The following KIRREL1 variants were observed in gnomAD, a reference collection of about 807,000 sequenced individuals.
KIRREL1 encodes the protein kin of IRRE-like protein 1.
A neutral mutation model predicts 83.3 loss-of-function variants in KIRREL1; 25 were observed. The ratio of observed to expected loss-of-function variants is 0.30; its 90% CI spans 0.22 to 0.42. The LOEUF (loss-of-function observed/expected upper bound fraction) is 0.42. Ranked by LOEUF, KIRREL1 falls within the 10% of genes least tolerant of loss-of-function variation. KIRREL1 has a pLI of 1.00. For synonymous variants in KIRREL1, 388 were observed against 410.4 expected (o/e 0.95, Z 0.66); for missense variants, 812 against 1,032.3 (o/e 0.79, Z 2.92).
chr1:158,017,166 G>A (rs1044825394), intron 1 of KIRREL1, among the ~76,000 whole-genome samples: 4 of 152,096 alleles, frequency 2.6e-5, no homozygotes, highest in African/African-American at 4.8e-5. Flanking sequence ...TTGCACGCAC[G>A]GCCCAGGAAA....
In KIRREL1 at chr1:158,017,648, C is replaced by T. The variant is rs985786759; in HGVS notation, c.52+23920C>T. On this transcript the variant is annotated intron_variant, in intron 1 of 14. Coordinates refer to ENST00000359209, the MANE Select transcript of KIRREL1 (RefSeq NM_018240.7). ...AGGAGGTTGCAGTGAGCCGAGATTG[C>T]GCTACTGCACTCCAGACTGGGTGAC... Among the ~76,000 whole-genome samples the T allele has an allele frequency of 5.3e-5, 8 of 151,854 alleles. No individual in the cohort carries two copies. The East Asian group carries it at 5.8e-4, about 11-fold the overall frequency.
At chr1:158,007,686 C>T (rs1013450121) in intron 1 of KIRREL1, among the ~76,000 whole-genome samples, 1 of 151,870 alleles carries the variant, frequency 6.6e-6, no homozygotes, top group Non-Finnish European at 1.5e-5. Flanking sequence ...CAGCTTGGAG[C>T]CTGCTTGTGG....
At position 158,096,729 on chromosome 1, in the gene KIRREL1, C is replaced by T. The variant is rs942039483; in HGVS notation, c.*1609C>T. 1 of 456,560 alleles carries T rather than the reference C, an allele frequency of 2.2e-6. No individual in the cohort carries two copies. The highest frequency in any genetic ancestry group is 4.4e-6 in the Non-Finnish European group (1 of 226,976). 28.3% of individuals were successfully genotyped at this position (456,560 alleles called of 1,614,324 possible). A position where few individuals can be genotyped will look rare whatever the true frequency, so the allele number is the denominator to read the frequency against. ...TTTCTGACCAAAGAGAACAGGCGCT[C>T]CAAGGAGAACCTGTACCCCTGCCCC... On this transcript the variant is annotated 3_prime_UTR_variant, in exon 15 of 15. Transcript: ENST00000359209.
chr1:157,999,807 G>C (rs1020471394), intron 1 of KIRREL1, among the ~76,000 whole-genome samples: 2 of 152,168 alleles, frequency 1.3e-5, no homozygotes, highest in Admixed American at 1.3e-4. Context: ...CCAGGGAGGA[G>C]GAAGAGGCAA....
Position 158,095,025 on chromosome 1 carries a change from A to C in KIRREL1, c.2179A>C (p.Ile727Leu). The change falls in exon 15 of 15, where the codon ATT (isoleucine) becomes CTT (leucine). Residue 727 changes from isoleucine to leucine, a missense_variant. Physicochemically the swap from Ile to Leu is conservative, Grantham distance 5. This residue lies in a region of KIRREL1 where 334 missense variants were observed against 383.7 expected (regional missense o/e 0.87). Coordinates refer to ENST00000359209, the MANE Select transcript of KIRREL1 (RefSeq NM_018240.7). Reference protein sequence around the residue: ...ERTPYEAYDPIGKYATATRFS... With the variant: ...ERTPYEAYDPLGKYATATRFS... ...GACCCCATATGAGGCGTATGACCCC[A>C]TTGGCAAGTACGCCACAGCCACTCG... 1 of 1,613,904 alleles carries C rather than the reference A, an allele frequency of 6.2e-7. No individual in the cohort carries two copies. The highest frequency in any genetic ancestry group is 1.3e-5 in the African/African-American group (1 of 75,016).
At chr1:158,023,672 G>A (rs1184116868) in intron 1 of KIRREL1, among the ~76,000 whole-genome samples, 7 of 152,098 alleles carry the variant, frequency 4.6e-5, no homozygotes, top group African/African-American at 7.2e-5. Context: ...TGGGTGCACC[G>A]GGAAAATCAT....
chr1:158,090,395 C>A (rs1347839596), intron 10 of KIRREL1, among the ~76,000 whole-genome samples: 1 of 152,172 alleles, frequency 6.6e-6, no homozygotes, highest in East Asian at 1.9e-4. Context: ...CTCCCCCACA[C>A]CATGAGCCAT....
rs374529966 is a variant in KIRREL1 at position 158,052,025 on chromosome 1, C to G, written c.53-24088C>G. Reference sequence around the variant, plus strand: ...TCTCCAGGAGCAGTACAGCAGCTCCCTGCTGTACCTACCCTCCCTCTAACT... The same window carrying G: ...TCTCCAGGAGCAGTACAGCAGCTCCGTGCTGTACCTACCCTCCCTCTAACT... On this transcript the variant is annotated intron_variant, in intron 1 of 14. Transcript: ENST00000359209. Among the ~76,000 whole-genome samples, 498 of 152,290 alleles carry G rather than the reference C, an allele frequency of 3.3e-3. 9 individuals carry two copies. The South Asian group carries it at 0.046, about 14-fold the overall frequency.
At chr1:158,080,140 C>T (rs573038969) in intron 3 of KIRREL1, among the ~76,000 whole-genome samples, 1 of 152,102 alleles carries the variant, frequency 6.6e-6, no homozygotes, top group African/African-American at 2.4e-5. Context: ...TCCGAGGAAC[C>T]GTGAGACTCT....
At chr1:158,010,391 A>G (rs1571532966) in intron 1 of KIRREL1, among the ~76,000 whole-genome samples, 1 of 111,780 alleles carries the variant, frequency 8.9e-6, no homozygotes, top group Admixed American at 8.8e-5. Flanking sequence ...TGTCACACAC[A>G]TGCATACACA....
intron 1 of KIRREL1, among the ~76,000 whole-genome samples, chr1:157,995,670 G>A (rs1659175105): frequency 6.6e-6 from 1 of 152,164 alleles, no homozygotes; most frequent in Admixed American, 6.5e-5. Flanking sequence ...ATTGAATTGG[G>A]GACAGAAAGA....
intron 1 of KIRREL1, among the ~76,000 whole-genome samples, chr1:157,996,094 G>A (rs990590161): frequency 6.7e-6 from 1 of 148,684 alleles, no homozygotes; most frequent in African/African-American, 2.5e-5. Flanking sequence ...AGGGATGGGG[G>A]AGTAGGTGTC....
chr1:158,035,265 G>A (rs1046553076), intron 1 of KIRREL1, among the ~76,000 whole-genome samples: 1 of 152,174 alleles, frequency 6.6e-6, no homozygotes. Flanking sequence ...TGGGACTAGG[G>A]CCCCAGGCAG....
chr1:158,076,081 C>T (rs1437700660), intron 1 of KIRREL1, 32 bp from the exon 2 acceptor site: 38 of 1,604,682 alleles, frequency 2.4e-5, no homozygotes, highest in Middle Eastern at 1.7e-4. Flanking sequence ...TCTCCTTACT[C>T]ATCTTACCCA....
chr1:158,023,195 G>T (rs1660053432), intron 1 of KIRREL1, among the ~76,000 whole-genome samples: 1 of 152,240 alleles, frequency 6.6e-6, no homozygotes, highest in African/African-American at 2.4e-5. Flanking sequence ...GAGTGGTGGG[G>T]AGTGGCAGGA....
chr1:158,067,776 C>T (rs1042676011), intron 1 of KIRREL1, among the ~76,000 whole-genome samples: 1 of 152,200 alleles, frequency 6.6e-6, no homozygotes, highest in African/African-American at 2.4e-5. Context: ...TCTGTTCCTG[C>T]CTCTTGAGGT....
chr1:158,021,587 A>C (rs1660004165), intron 1 of KIRREL1, among the ~76,000 whole-genome samples: 1 of 152,156 alleles, frequency 6.6e-6, no homozygotes, highest in South Asian at 2.1e-4. Flanking sequence ...GTAAGTCTGT[A>C]ATTGAGGTTA....
At chr1:158,083,208 A>G (rs777921821) in intron 3 of KIRREL1, among the ~76,000 whole-genome samples, 1 of 152,252 alleles carries the variant, frequency 6.6e-6, no homozygotes, top group African/African-American at 2.4e-5. Flanking sequence ...CTACTTGGTC[A>G]CATTCTAGGC....
At chr1:158,071,745 G>A (rs185644538) in intron 1 of KIRREL1, among the ~76,000 whole-genome samples, 1 of 152,234 alleles carries the variant, frequency 6.6e-6, no homozygotes, top group East Asian at 1.9e-4. Flanking sequence ...GGATTGAAAT[G>A]TCATCCTCAG....
Sources: gnomAD v4.1 joint callset for allele counts (sites outside exome capture counted in the v4.1 genomes callset) on GRCh38, gnomAD v4.1.1 for gene constraint, gnomAD v4.1.1 regional missense constraint, MANE v1.5 for transcripts, NCBI Gene and HGNC (gene_info 2026-07-23, HGNC 2026-07-21) for gene names.